The following PRKG1 variants were observed in gnomAD, a reference collection of about 807,000 sequenced individuals.
PRKG1 encodes cGMP-dependent protein kinase 1.
Under a neutral mutation model 88.1 loss-of-function variants are expected in PRKG1, and 35 were observed. The ratio of observed to expected loss-of-function variants is 0.40; its 90% CI spans 0.30 to 0.53. PRKG1 has a LOEUF of 0.53. Ranked by LOEUF, PRKG1 falls within the 20% of genes least tolerant of loss-of-function variation. The probability of loss-of-function intolerance (pLI) is 0.59; values close to 1 mark genes in which losing one functional copy is unlikely to be tolerated. For synonymous variants in PRKG1, 303 were observed against 292.5 expected (o/e 1.04, Z -0.37); for missense variants, 540 against 839.8 (o/e 0.64, Z 4.41).
At chr10:51,330,728 A>G (rs1841719313) in intron 2 of PRKG1, among the ~76,000 whole-genome samples, 1 of 151,654 alleles carries the variant, frequency 6.6e-6, no homozygotes, top group African/African-American at 2.4e-5. Flanking sequence ...TGATTTCTTC[A>G]TTTGGTGAAT....
chr10:51,104,967 G>A (rs1393640152), intron 1 of PRKG1, among the ~76,000 whole-genome samples: 1 of 152,014 alleles, frequency 6.6e-6, no homozygotes, highest in Non-Finnish European at 1.5e-5. Context: ...CTCACCTCAA[G>A]TGATCACCCA....
chr10:51,474,314 G>A (rs1430613966), intron 3 of PRKG1, among the ~76,000 whole-genome samples: 1 of 151,938 alleles, frequency 6.6e-6, no homozygotes, highest in Non-Finnish European at 1.5e-5. Context: ...TTGCTTTTAA[G>A]CACCAGTGTA....
intron 3 of PRKG1, among the ~76,000 whole-genome samples, chr10:51,690,905 C>T (rs1157970826): frequency 1.0e-4 from 12 of 116,600 alleles, no homozygotes; most frequent in Admixed American, 1.2e-4. Flanking sequence ...CCCAGCCTGG[C>T]GACAGAGTGA....
intron 9 of PRKG1, among the ~76,000 whole-genome samples, chr10:52,189,481 C>A (rs1173521959): frequency 1.3e-5 from 2 of 152,132 alleles, no homozygotes; most frequent in Non-Finnish European, 2.9e-5. Flanking sequence ...CTGAGCTCTG[C>A]CCCCTGTCAG....
chr10:51,536,081 C>T (rs1243617404), intron 3 of PRKG1, among the ~76,000 whole-genome samples: 7 of 151,994 alleles, frequency 4.6e-5, no homozygotes, highest in African/African-American at 1.2e-4. Context: ...ACTGTATTTC[C>T]GATTTGTCCA....
At chr10:51,211,460 G>A (rs1687787509) in intron 2 of PRKG1, among the ~76,000 whole-genome samples, 1 of 152,128 alleles carries the variant, frequency 6.6e-6, no homozygotes, top group Non-Finnish European at 1.5e-5. Context: ...TGGAAGTTCT[G>A]GACAGGGCAG....
intron 7 of PRKG1, among the ~76,000 whole-genome samples, chr10:52,106,200 G>T (rs1025360104): frequency 1.3e-5 from 2 of 151,760 alleles, no homozygotes; most frequent in Admixed American, 6.6e-5. Flanking sequence ...CTTAATGAAG[G>T]CCTTCCAGGT....
chr10:51,941,371 G>A (rs1302048316), intron 5 of PRKG1, among the ~76,000 whole-genome samples: 1 of 151,902 alleles, frequency 6.6e-6, no homozygotes, highest in Non-Finnish European at 1.5e-5. Flanking sequence ...CTCAGTCACT[G>A]TAAGAAATTC....
At chr10:52,047,448 T>A (rs1338365884) in intron 5 of PRKG1, among the ~76,000 whole-genome samples, 2 of 152,158 alleles carry the variant, frequency 1.3e-5, no homozygotes, top group Non-Finnish European at 2.9e-5. Flanking sequence ...GGTTTACAGA[T>A]GTGATAGCTA....
chr10:51,019,009 T>C (rs939887884), intron 1 of PRKG1, among the ~76,000 whole-genome samples: 2 of 152,194 alleles, frequency 1.3e-5, no homozygotes, highest in Non-Finnish European at 2.9e-5. Context: ...AAGGGATCTT[T>C]GCTGGTGAAA....
intron 5 of PRKG1, among the ~76,000 whole-genome samples, chr10:52,050,180 C>T (rs1845956494): frequency 6.6e-6 from 1 of 151,900 alleles, no homozygotes; most frequent in Non-Finnish European, 1.5e-5. Context: ...AGTGCTCAGG[C>T]CTGGTGGTGG....
intron 3 of PRKG1, among the ~76,000 whole-genome samples, chr10:51,477,482 T>C (rs1316796931): frequency 6.6e-6 from 1 of 151,874 alleles, no homozygotes; most frequent in Non-Finnish European, 1.5e-5. Flanking sequence ...TGGGTTCTCA[T>C]CCTTTGCCAT....
At chr10:51,234,351 T>C (rs1157598334) in intron 2 of PRKG1, among the ~76,000 whole-genome samples, 1 of 152,188 alleles carries the variant, frequency 6.6e-6, no homozygotes, top group Non-Finnish European at 1.5e-5. Context: ...TCTGCCCAGA[T>C]TGCACTGAAA....
chr10:52,070,754 T>G (rs1476354127), intron 7 of PRKG1, among the ~76,000 whole-genome samples: 2 of 152,224 alleles, frequency 1.3e-5, no homozygotes, highest in East Asian at 3.9e-4. Flanking sequence ...ACTTCTTCCT[T>G]CAATTGTATC....
intron 3 of PRKG1, among the ~76,000 whole-genome samples, chr10:51,594,591 C>T (rs1316610805): frequency 2.6e-5 from 4 of 152,158 alleles, no homozygotes; most frequent in African/African-American, 9.7e-5. Context: ...GATAAGGTTC[C>T]TCAAATTTCA....
chr10:51,954,439 G>C (rs996310981), intron 5 of PRKG1, among the ~76,000 whole-genome samples: 4 of 152,132 alleles, frequency 2.6e-5, no homozygotes, highest in Non-Finnish European at 4.4e-5. Flanking sequence ...AAATACAAGT[G>C]CTTTGAAAGA....
At chr10:52,149,400 A>G (rs975872251) in intron 8 of PRKG1, among the ~76,000 whole-genome samples, 7 of 152,058 alleles carry the variant, frequency 4.6e-5, no homozygotes, top group Non-Finnish European at 2.9e-5. Flanking sequence ...TAAGGACTGA[A>G]TTATGTCCAC....
At chr10:51,468,532 T>C (rs1258291813) in intron 3 of PRKG1, among the ~76,000 whole-genome samples, 1 of 151,756 alleles carries the variant, frequency 6.6e-6, no homozygotes, top group African/African-American at 2.4e-5. Flanking sequence ...TTAAAAAAAA[T>C]CTGCTTCCTG....
At chr10:51,795,545 A>C (rs1327174224) in intron 3 of PRKG1, among the ~76,000 whole-genome samples, 3 of 152,124 alleles carry the variant, frequency 2.0e-5, no homozygotes, top group African/African-American at 7.2e-5. Context: ...CGGCAGTTAG[A>C]ATTTAGCTTT....
Sources: allele counts gnomAD v4.1 joint callset (sites outside exome capture counted in the v4.1 genomes callset), GRCh38; gene constraint gnomAD v4.1.1; transcripts MANE v1.5; gene names NCBI Gene and HGNC (gene_info 2026-07-23, HGNC 2026-07-21).